LAMP1: variants seen among roughly 807,000 people sequenced by gnomAD.
LAMP1 encodes lysosome-associated membrane glycoprotein 1.
In LAMP1, 7 loss-of-function variants were observed where a neutral mutation model predicts 37.5. That is an observed-to-expected ratio of 0.19 (90% CI 0.11 to 0.35). LAMP1 has a LOEUF of 0.35. Ranked by LOEUF, LAMP1 falls within the 10% of genes least tolerant of loss-of-function variation. LAMP1 has a pLI of 1.00. For synonymous variants in LAMP1, 236 were observed against 229.1 expected, an observed-to-expected ratio of 1.03 and a Z score of -0.27; for missense variants, 537 against 552.8, an observed-to-expected ratio of 0.97 and a Z score of 0.29.
intron 1 of LAMP1, chr13:113,305,580 G>C (rs375362454): frequency 6.6e-6 from 1 of 152,208 alleles, no homozygotes; most frequent in Non-Finnish European, 1.5e-5. Flanking sequence ...AGTGACCACT[G>C]TCCAGCTGGA....
intron 4 of LAMP1, among the ~76,000 whole-genome samples, chr13:113,317,204 T>C (rs1369945107): frequency 6.6e-6 from 1 of 152,162 alleles, no homozygotes; most frequent in Admixed American, 6.6e-5. Context: ...GGTGTGACAG[T>C]GGACCCTCAG....
rs2042697911 is a variant in LAMP1, at chr13:113,321,344, G to A, written c.877-60G>A. 7.6e-7 allele frequency: 1 copy of A among 1,308,768 alleles called. No homozygotes were observed. Among genetic ancestry groups the A allele is most frequent in the African/African-American group, 1.5e-5 (1 of 68,756 alleles). 81.1% of individuals were successfully genotyped at this position (1,308,768 alleles called of 1,614,324 possible). On this transcript the variant is annotated intron_variant, in intron 6 of 8. Transcript: ENST00000332556. This position sits in a 1 kb window ranked among gnomAD's most constrained non-coding sequence, Gnocchi z 5.6. ...GATGATAAATGTGTGAATCTACTGG[G>A]GTTAAAGATCATCTTTCTATGAATC... is the stretch of plus-strand genomic sequence containing the variant.
chr13:113,302,990 A>C (rs920560603), intron 1 of LAMP1, among the ~76,000 whole-genome samples: 4 of 152,244 alleles, frequency 2.6e-5, no homozygotes, highest in Non-Finnish European at 2.9e-5. Context: ...TAAATGAGAT[A>C]GTTTTTGATG....
At chr13:113,306,697 T>C in intron 2 of LAMP1, 91 bp downstream of exon 2, 1 of 1,436,002 alleles carries the variant, frequency 7.0e-7, no homozygotes, top group South Asian at 1.3e-5. Context: ...AATGGCCCCA[T>C]CTGAACATGG....
chr13:113,315,663 G>A (rs1227696013), intron 4 of LAMP1, among the ~76,000 whole-genome samples: 3 of 151,412 alleles, frequency 2.0e-5, no homozygotes, highest in Non-Finnish European at 2.9e-5. Context: ...CACCGTGCCC[G>A]GCCCATCTTG....
At position 113,321,374 on chromosome 13, in the gene LAMP1, C is replaced by G; in HGVS notation, c.877-30C>G. On this transcript the variant is annotated intron_variant, in intron 6 of 8. Transcript: ENST00000332556. This position sits in a 1 kb window ranked among gnomAD's most constrained non-coding sequence, Gnocchi z 5.6. ...AAGATCATCTTTCTATGAATCTGCTCCGTGATTAAAGATCATTTTTCTTTT... is the reference window on the plus strand; with the variant it reads ...AAGATCATCTTTCTATGAATCTGCTGCGTGATTAAAGATCATTTTTCTTTT... 3.2e-6 allele frequency: 5 copies of G among 1,561,502 alleles called. No individual in the cohort carries two copies. Among genetic ancestry groups the G allele is most frequent in the Non-Finnish European group, 4.4e-6 (5 of 1,132,298 alleles).
At chr13:113,310,572 T>G in intron 3 of LAMP1, 137 bp from the exon 4 acceptor site, 1 of 806,620 alleles carries the variant, frequency 1.2e-6, no homozygotes, top group Non-Finnish European at 1.9e-6. Context: ...TATAAGTAGT[T>G]TGCAATTGTG....
intron 2 of LAMP1, among the ~76,000 whole-genome samples, chr13:113,306,997 G>A (rs1170403393): frequency 2.6e-5 from 4 of 151,296 alleles, no homozygotes; most frequent in Non-Finnish European, 5.9e-5. Context: ...TCGCCACCAC[G>A]CACAGCTAAT....
Position 113,320,826 on chromosome 13 carries a change from A to G in LAMP1, c.876+356A>G, listed in dbSNP as rs781734067. 10 of 268,274 alleles carry G rather than the reference A, an allele frequency of 3.7e-5. No individual in the cohort carries two copies. Among genetic ancestry groups the G allele is most frequent in the South Asian group, 7.2e-5 (1 of 13,810 alleles). 16.6% of individuals were successfully genotyped at this position (268,274 alleles called of 1,614,324 possible). A position where few individuals can be genotyped will look rare whatever the true frequency, so the allele number is the denominator to read the frequency against. On this transcript the variant is annotated intron_variant, in intron 6 of 8. Coordinates refer to ENST00000332556, the MANE Select transcript of LAMP1 (RefSeq NM_005561.4). This position sits in a 1 kb window ranked among gnomAD's most constrained non-coding sequence, Gnocchi z 4.4. ...GTTAGCAACATAAGACATGAAGCAT[A>G]TAATTGTCACTTGTCAGTCTTTTTA...
At chr13:113,319,410 T>C (rs2042684601) in intron 4 of LAMP1, 59 bp from the exon 5 acceptor site, 2 of 1,448,638 alleles carry the variant, frequency 1.4e-6, no homozygotes, top group Non-Finnish European at 9.4e-7. Context: ...TGGATCTTAC[T>C]GTAACTGCTG....
At chr13:113,298,689 A>T (rs943593180) in intron 1 of LAMP1, among the ~76,000 whole-genome samples, 1 of 152,216 alleles carries the variant, frequency 6.6e-6, no homozygotes, top group Non-Finnish European at 1.5e-5. Flanking sequence ...ACTTATTCCA[A>T]TAGTAAGCCT....
At position 113,323,293 on chromosome 13, in the gene LAMP1, A is replaced by G. The variant is rs1219405167; in HGVS notation, c.*872A>G. ...TGGTCTTCTGTTGACATTCGGGGTGATCCTGTTCTGCGCTGTGTACAATGT... is the reference window on the plus strand; with the variant it reads ...TGGTCTTCTGTTGACATTCGGGGTGGTCCTGTTCTGCGCTGTGTACAATGT... On this transcript the variant is annotated 3_prime_UTR_variant, in exon 9 of 9. Transcript: ENST00000332556. 1.3e-5 allele frequency: 2 copies of G among 151,974 alleles called. No individual in the cohort carries two copies. Among genetic ancestry groups the G allele is most frequent in the Non-Finnish European group, 2.9e-5 (2 of 67,996 alleles). 9.4% of individuals were successfully genotyped at this position (151,974 alleles called of 1,614,324 possible).
chr13:113,304,256 G>A (rs1411830019), intron 1 of LAMP1, among the ~76,000 whole-genome samples: 4 of 152,204 alleles, frequency 2.6e-5, no homozygotes, highest in South Asian at 2.1e-4. Flanking sequence ...GTGGGCATCC[G>A]GGTTGTCAGT....
intron 1 of LAMP1, among the ~76,000 whole-genome samples, chr13:113,298,107 T>G (rs1037233358): frequency 6.6e-6 from 1 of 152,236 alleles, no homozygotes; most frequent in Non-Finnish European, 1.5e-5. Flanking sequence ...CTTTGGGATT[T>G]CACAAGATTC....
chr13:113,307,433 CA>C (rs1299273700), intron 2 of LAMP1, among the ~76,000 whole-genome samples: 1 of 152,108 alleles, frequency 6.6e-6, no homozygotes, highest in Non-Finnish European at 1.5e-5. Flanking sequence ...GTTGGAATTA[CA>C]GGGGTGAGCC....
rs1255255379 is a variant in LAMP1, at chr13:113,321,507, C to G, written c.943+37C>G. 1 of 1,613,908 alleles carries G rather than the reference C, an allele frequency of 6.2e-7. No individual in the cohort carries two copies. The highest frequency in any genetic ancestry group is 1.1e-5 in the South Asian group (1 of 91,076). ...CAATCTCTGCGAGCCCCGCCCCCGC[C>G]CGCGCGCCCAGGGTATTCTGGAGCC... On this transcript the variant is annotated intron_variant, in intron 7 of 8. Coordinates refer to ENST00000332556, the MANE Select transcript of LAMP1 (RefSeq NM_005561.4). This position sits in a 1 kb window ranked among gnomAD's most constrained non-coding sequence, Gnocchi z 5.6.
chr13:113,319,439 G>A (rs752777462), intron 4 of LAMP1, 30 bp from the exon 5 acceptor site: 21 of 1,567,766 alleles, frequency 1.3e-5, no homozygotes, highest in Non-Finnish European at 1.8e-5. Context: ...GAGAAACCCA[G>A]ACCTGAATCT....
At chr13:113,298,129 A>G (rs1459294139) in intron 1 of LAMP1, among the ~76,000 whole-genome samples, 2 of 152,254 alleles carry the variant, frequency 1.3e-5, no homozygotes, top group East Asian at 1.9e-4. Flanking sequence ...GTAGTAGACA[A>G]GATGAGGGAA....
At chr13:113,310,014 A>G in intron 3 of LAMP1, 152 bp downstream of exon 3, 1 of 641,356 alleles carries the variant, frequency 1.6e-6, no homozygotes, top group Non-Finnish European at 2.7e-6. Context: ...AGATCACTTG[A>G]GGTCAGGAGT....
Sources: gnomAD v4.1 joint callset for allele counts (sites outside exome capture counted in the v4.1 genomes callset) on GRCh38, gnomAD v4.1.1 for gene constraint, Gnocchi (gnomAD v3.1) non-coding constraint, MANE v1.5 for transcripts, NCBI Gene and HGNC (gene_info 2026-07-23, HGNC 2026-07-21) for gene names.